Variants in MAF observed in about 807,000 individuals in gnomAD.
MAF encodes the protein transcription factor Maf.
A neutral mutation model predicts 22.0 loss-of-function variants in MAF; 10 were observed. The observed-to-expected ratio is 0.45, with a 90% CI of 0.28 to 0.77. The LOEUF (loss-of-function observed/expected upper bound fraction) is 0.77, where lower values mean the gene tolerates loss of function less well. Ranked by LOEUF, MAF falls within the 30% of genes least tolerant of loss-of-function variation. MAF has a pLI of 0.12. For synonymous variants in MAF, 337 were observed against 255.8 expected (o/e 1.32, Z -3.03); for missense variants, 544 against 548.4 (o/e 0.99, Z 0.08).
At chr16:79,396,827 T>C in the MAF span, among the ~76,000 whole-genome samples, 2 of 152,182 alleles carry the variant, frequency 1.3e-5, no homozygotes, top group African/African-American at 4.8e-5. Flanking sequence ...GTGATGTGAA[T>C]TTGCAGCCGA....
chr16:79,464,959 T>C, the MAF span, among the ~76,000 whole-genome samples: 1 of 152,172 alleles, frequency 6.6e-6, no homozygotes, highest in Non-Finnish European at 1.5e-5. Context: ...TGTGACAGTA[T>C]CTCAGCAATG....
the MAF span, among the ~76,000 whole-genome samples, chr16:79,239,684 C>T: frequency 6.6e-6 from 1 of 152,048 alleles, no homozygotes. Flanking sequence ...CTTTGTCCCT[C>T]TCAATACCTG....
At chr16:79,558,950 C>T in the MAF span, among the ~76,000 whole-genome samples, 1 of 152,194 alleles carries the variant, frequency 6.6e-6, no homozygotes, top group South Asian at 2.1e-4. Context: ...TTTATTCTTG[C>T]CTGGGCACAT....
the MAF span, among the ~76,000 whole-genome samples, chr16:79,447,816 C>G: frequency 7.1e-6 from 1 of 141,614 alleles, no homozygotes; most frequent in Non-Finnish European, 1.5e-5. Context: ...ATCGCTTGAG[C>G]CCAGGAGGTG....
chr16:79,408,078 C>CTAAAA, the MAF span, among the ~76,000 whole-genome samples: 1 of 81,556 alleles, frequency 1.2e-5, no homozygotes. Context: ...TTTTACCTTT[C>CTAAAA]AAAAAAAAAA....
At chr16:79,314,136 G>A in the MAF span, among the ~76,000 whole-genome samples, 4 of 152,188 alleles carry the variant, frequency 2.6e-5, no homozygotes, top group East Asian at 3.9e-4. Flanking sequence ...GCCCTTCCTC[G>A]TGTTTGCCTC....
At chr16:79,597,146 C>T in intron 1 of MAF, 1 of 1,057,518 alleles carries the variant, frequency 9.5e-7, no homozygotes, top group South Asian at 4.6e-5. Flanking sequence ...CTTGCAAACT[C>T]TACCCCCCTT....
At chr16:79,371,063 C>G in the MAF span, among the ~76,000 whole-genome samples, 1 of 152,156 alleles carries the variant, frequency 6.6e-6, no homozygotes, top group African/African-American at 2.4e-5. Context: ...TCAGCATTGA[C>G]TGAAGTCACT....
At chr16:79,532,558 A>G in the MAF span, among the ~76,000 whole-genome samples, 1 of 152,240 alleles carries the variant, frequency 6.6e-6, no homozygotes, top group African/African-American at 2.4e-5. Flanking sequence ...TCTGGCTTCT[A>G]TAAACTCAGA....
the MAF span, among the ~76,000 whole-genome samples, chr16:79,261,072 G>A: frequency 7.2e-4 from 109 of 152,240 alleles, no homozygotes; most frequent in African/African-American, 2.4e-3. Context: ...GCAGTGGGGT[G>A]AAAGGAGCTG....
At chr16:79,550,663 T>C in the MAF span, among the ~76,000 whole-genome samples, 14 of 152,288 alleles carry the variant, frequency 9.2e-5, no homozygotes, top group African/African-American at 3.4e-4. Flanking sequence ...TCTCACTCAC[T>C]GCCTTTGTCC....
the MAF span, among the ~76,000 whole-genome samples, chr16:79,209,828 T>C: frequency 6.6e-5 from 10 of 152,314 alleles, no homozygotes; most frequent in Non-Finnish European, 1.5e-4. Flanking sequence ...TTTAGATAAA[T>C]GTGCCAGGTG....
the MAF span, among the ~76,000 whole-genome samples, chr16:79,375,560 AATG>A: frequency 7.4e-3 from 1,123 of 152,216 alleles, 10 homozygotes; most frequent in Non-Finnish European, 0.011. Context: ...TGACTGTGAC[AATG>A]ATGATGAAGA....
chr16:79,493,693 T>C, the MAF span, among the ~76,000 whole-genome samples: 2 of 152,196 alleles, frequency 1.3e-5, no homozygotes, highest in Non-Finnish European at 2.9e-5. Context: ...AAAGAGTTGA[T>C]AAAAGGGTGG....
At chr16:79,481,155 C>A in the MAF span, among the ~76,000 whole-genome samples, 2 of 152,110 alleles carry the variant, frequency 1.3e-5, no homozygotes, top group East Asian at 3.9e-4. Flanking sequence ...TCAGTACACA[C>A]CTGTTCAATC....
the MAF span, among the ~76,000 whole-genome samples, chr16:79,334,728 C>T: frequency 8.5e-5 from 13 of 152,108 alleles, no homozygotes; most frequent in African/African-American, 2.4e-4. Flanking sequence ...TTAAGCTGAG[C>T]ACTCGAGGTT....
the MAF span, among the ~76,000 whole-genome samples, chr16:79,291,974 A>T: frequency 6.6e-6 from 1 of 151,428 alleles, no homozygotes; most frequent in Non-Finnish European, 1.5e-5. Context: ...CCATTCAGCA[A>T]GTGGCATCGT....
the MAF span, among the ~76,000 whole-genome samples, chr16:79,240,756 C>T: frequency 1.3e-5 from 2 of 151,904 alleles, no homozygotes; most frequent in Non-Finnish European, 2.9e-5. Context: ...TTGGGAGACA[C>T]CTCCCAGTAG....
At chr16:79,507,171 G>C in the MAF span, among the ~76,000 whole-genome samples, 1 of 148,136 alleles carries the variant, frequency 6.8e-6, no homozygotes, top group Non-Finnish European at 1.5e-5. Flanking sequence ...TGGAGTGCAG[G>C]GGCGTGATCT....
Sources: allele counts gnomAD v4.1 joint callset (sites outside exome capture counted in the v4.1 genomes callset), GRCh38; gene constraint gnomAD v4.1.1; transcripts MANE v1.5; gene names NCBI Gene and HGNC (gene_info 2026-07-23, HGNC 2026-07-21).